The following ZDHHC2 variants were observed in gnomAD, a reference collection of about 807,000 sequenced individuals.
ZDHHC2 encodes the protein zDHHC palmitoyltransferase 2, also known as palmitoyltransferase ZDHHC2.
In ZDHHC2, 51 loss-of-function variants were observed where a neutral mutation model predicts 55.6. That is an observed-to-expected ratio of 0.92 (90% CI 0.73 to 1.16). The LOEUF (loss-of-function observed/expected upper bound fraction) is 1.16, where lower values mean the gene tolerates loss of function less well. Ranked by LOEUF, ZDHHC2 falls within the 50% of genes most tolerant of loss-of-function variation. The pLI, the probability that ZDHHC2 is intolerant of heterozygous loss-of-function variation, is 0.00. For synonymous variants in ZDHHC2, 199 were observed against 152.9 expected, an observed-to-expected ratio of 1.30 and a Z score of -2.22; for missense variants, 491 against 442.4, an observed-to-expected ratio of 1.11 and a Z score of -0.99.
Position 17,215,690 on chromosome 8 carries a change from C to G in ZDHHC2, c.1063+341C>G, listed in dbSNP as rs553349963. Among the ~76,000 whole-genome samples, 6 of 152,166 alleles carry G rather than the reference C, an allele frequency of 3.9e-5. No individual in the cohort carries two copies. The South Asian group carries it at 1.0e-3, about 26-fold the overall frequency. ...ATCAAATCAGATAGAAGATAAATAT[C>G]TACTGAAAAGGACCTTAAATTATTC... On this transcript the variant is annotated intron_variant, in intron 11 of 12. Coordinates refer to ENST00000262096, the MANE Select transcript of ZDHHC2 (RefSeq NM_016353.5).
intron 1 of ZDHHC2, among the ~76,000 whole-genome samples, chr8:17,183,319 A>G (rs919307586): frequency 6.6e-6 from 1 of 152,164 alleles, no homozygotes; most frequent in Non-Finnish European, 1.5e-5. Context: ...GGGTGTAGTC[A>G]GTGTCTAGAA....
chr8:17,215,298 G>T lies in ZDHHC2; in HGVS notation c.1012G>T (p.Asp338Tyr). ...LRESQSHLLT[D>Y]SQSWTESSIN... is the part of the protein sequence containing the mutation. ...AGAGTCCCAGAGCCACCTTCTTACT[G>T]ATTCTCAGTCTTGGACGGAGAGCAG... The change falls in exon 11 of 13, where the codon GAT (aspartate) becomes TAT (tyrosine). Residue 338 changes from aspartate to tyrosine, a missense_variant. Physicochemically the swap from Asp to Tyr is radical, Grantham distance 160. Transcript: ENST00000262096. 6.2e-7 allele frequency: 1 copy of T among 1,601,088 alleles called. No individual in the cohort carries two copies. Among genetic ancestry groups the T allele is most frequent in the Non-Finnish European group, 8.5e-7 (1 of 1,173,638 alleles).
At chr8:17,185,666 A>G (rs1805673139) in intron 2 of ZDHHC2, among the ~76,000 whole-genome samples, 1 of 152,190 alleles carries the variant, frequency 6.6e-6, no homozygotes, top group Admixed American at 6.5e-5. Flanking sequence ...TCTCAAAAAA[A>G]AGGAAAGAAA....
intron 6 of ZDHHC2, among the ~76,000 whole-genome samples, chr8:17,201,285 T>A (rs374723842): frequency 1.3e-5 from 2 of 152,038 alleles, no homozygotes; most frequent in Non-Finnish European, 2.9e-5. Context: ...TTATTTTTAG[T>A]ACAAGTGACT....
intron 1 of ZDHHC2, among the ~76,000 whole-genome samples, chr8:17,176,564 C>T (rs917220118): frequency 4.6e-5 from 7 of 152,028 alleles, no homozygotes; most frequent in African/African-American, 1.4e-4. Context: ...ATTAAAGCGC[C>T]GCTCAGCTGA....
chr8:17,197,072 AG>A (rs1806355449), intron 4 of ZDHHC2, among the ~76,000 whole-genome samples: 1 of 152,198 alleles, frequency 6.6e-6, no homozygotes, highest in African/African-American at 2.4e-5. Flanking sequence ...ATATATGTTT[AG>A]GTATATTTAC....
chr8:17,198,726 A>T (rs1168661791), intron 6 of ZDHHC2, among the ~76,000 whole-genome samples: 3 of 152,230 alleles, frequency 2.0e-5, no homozygotes, highest in Admixed American at 6.5e-5. Context: ...ATACACACAA[A>T]GATGTACAAG....
At chr8:17,171,604 A>G (rs988879601) in intron 1 of ZDHHC2, among the ~76,000 whole-genome samples, 2 of 152,224 alleles carry the variant, frequency 1.3e-5, no homozygotes, top group South Asian at 2.1e-4. Flanking sequence ...CTTCAATTAG[A>G]TAAGTTAGAT....
intron 1 of ZDHHC2, among the ~76,000 whole-genome samples, chr8:17,170,978 T>C (rs1011199411): frequency 5.3e-5 from 8 of 152,210 alleles, no homozygotes; most frequent in African/African-American, 1.9e-4. Context: ...TTTCAGGACA[T>C]AAATCCCTAG....
chr8:17,173,421 A>T (rs953307982), intron 1 of ZDHHC2, among the ~76,000 whole-genome samples: 1 of 152,186 alleles, frequency 6.6e-6, no homozygotes, highest in African/African-American at 2.4e-5. Context: ...CATGCCTGTC[A>T]TCCCAGCACT....
intron 1 of ZDHHC2, among the ~76,000 whole-genome samples, chr8:17,178,885 C>T (rs1251051792): frequency 6.6e-6 from 1 of 152,204 alleles, no homozygotes; most frequent in East Asian, 1.9e-4. Flanking sequence ...TCACTCTTAT[C>T]AGTCTTACCA....
chr8:17,205,604 T>C (rs2150938895), intron 6 of ZDHHC2, 51 bp from the exon 7 acceptor site: 1 of 1,534,110 alleles, frequency 6.5e-7, no homozygotes, highest in Non-Finnish European at 8.7e-7. Context: ...CATATGCACA[T>C]GTAGGTTGAA....
chr8:17,211,410 G>A (rs1807380595), intron 10 of ZDHHC2, among the ~76,000 whole-genome samples: 1 of 152,078 alleles, frequency 6.6e-6, no homozygotes, highest in African/African-American at 2.4e-5. Flanking sequence ...AGGGAGCCTG[G>A]AGTGACCCCA....
chr8:17,214,635 G>T (rs1001720038), intron 10 of ZDHHC2, among the ~76,000 whole-genome samples: 1 of 152,142 alleles, frequency 6.6e-6, no homozygotes, highest in African/African-American at 2.4e-5. Flanking sequence ...TAGGCCCGGT[G>T]TGGTGGCCTA....
intron 4 of ZDHHC2, 123 bp downstream of exon 4, chr8:17,195,747 T>G: frequency 7.6e-7 from 1 of 1,321,266 alleles, no homozygotes; most frequent in Non-Finnish European, 1.0e-6. Context: ...GTGTTATTTC[T>G]TGGATTGCTG....
chr8:17,177,955 A>T (rs1805232315), intron 1 of ZDHHC2, among the ~76,000 whole-genome samples: 1 of 152,232 alleles, frequency 6.6e-6, no homozygotes, highest in Non-Finnish European at 1.5e-5. Context: ...GATTAAGAAA[A>T]TAAATGTTAA....
At chr8:17,178,559 A>G (rs1242217214) in intron 1 of ZDHHC2, among the ~76,000 whole-genome samples, 3 of 152,224 alleles carry the variant, frequency 2.0e-5, no homozygotes, top group African/African-American at 7.2e-5. Flanking sequence ...ATTGTAGCAC[A>G]TAAGTAGCCA....
In ZDHHC2 at chr8:17,220,869, AT is replaced by A; in HGVS notation, c.*650del. 1 of 152,318 alleles carries A rather than the reference AT, an allele frequency of 6.6e-6. No homozygotes were observed. Among genetic ancestry groups the A allele is most frequent in the Admixed American group, 6.5e-5 (1 of 15,298 alleles). 9.4% of individuals were successfully genotyped at this position (152,318 alleles called of 1,614,324 possible). A position where few individuals can be genotyped will look rare whatever the true frequency, so the allele number is the denominator to read the frequency against. On this transcript the variant is annotated 3_prime_UTR_variant, in exon 13 of 13. Coordinates refer to ENST00000262096, the MANE Select transcript of ZDHHC2 (RefSeq NM_016353.5). ...TTTCTGCTGGAAAATAAGTGTGGAC[AT>A]TGAAGCTTGAGCTCTCAAAGCAGTT...
intron 1 of ZDHHC2, among the ~76,000 whole-genome samples, chr8:17,168,382 G>A (rs1333912193): frequency 6.6e-6 from 1 of 152,166 alleles, no homozygotes; most frequent in Non-Finnish European, 1.5e-5. Context: ...TTTAACCATG[G>A]AAGTGACCAG....
Sources: allele counts gnomAD v4.1 joint callset (sites outside exome capture counted in the v4.1 genomes callset), GRCh38; gene constraint gnomAD v4.1.1; transcripts MANE v1.5; gene names NCBI Gene and HGNC (gene_info 2026-07-23, HGNC 2026-07-21).